POP4: variants seen among roughly 807,000 people sequenced by gnomAD.
POP4 encodes POP4 ribonuclease P/MRP subunit, also known as ribonuclease P protein subunit p29.
In POP4, 31 loss-of-function variants were observed where a neutral mutation model predicts 29.9. The ratio of observed to expected loss-of-function variants is 1.04; its 90% confidence interval spans 0.78 to 1.40. The LOEUF (loss-of-function observed/expected upper bound fraction) is 1.40. Ranked by LOEUF, POP4 falls within the 40% of genes most tolerant of loss-of-function variation. POP4 has a pLI of 0.00. For synonymous variants in POP4, 110 were observed against 108.2 expected, an observed-to-expected ratio of 1.02 and a Z score of -0.10; for missense variants, 286 against 282.7, an observed-to-expected ratio of 1.01 and a Z score of -0.08.
At chr19:29,608,609 C>A in intron 1 of POP4, 48 bp from the exon 2 acceptor site, 1 of 1,571,156 alleles carries the variant, frequency 6.4e-7, no homozygotes, top group Non-Finnish European at 8.8e-7. Context: ...TTGGGTCTTA[C>A]AGCCATACCC....
intron 1 of POP4, among the ~76,000 whole-genome samples, chr19:29,608,262 C>CTTTTCTTTTTTT (rs1491529433): frequency 5.8e-5 from 5 of 86,560 alleles, no homozygotes; most frequent in African/African-American, 2.6e-4. Context: ...CTTTTCTTTT[C>CTTTTCTTTTTTT]TTTTTTTTTT....
At chr19:29,606,366 A>C in intron 1 of POP4, 41 bp downstream of exon 1, 1 of 1,590,540 alleles carries the variant, frequency 6.3e-7, no homozygotes, top group Non-Finnish European at 8.5e-7. Flanking sequence ...GGGGACGTTA[A>C]GGGTCGGGGT....
intron 4 of POP4, 57 bp downstream of exon 4, chr19:29,611,996 T>C: frequency 1.3e-6 from 2 of 1,593,048 alleles, no homozygotes; most frequent in East Asian, 2.2e-5. Flanking sequence ...CTCTGATCAT[T>C]GTAAATGCGG....
At chr19:29,615,137 T>G in intron 6 of POP4, 107 bp from the exon 7 acceptor site, 1 of 1,311,588 alleles carries the variant, frequency 7.6e-7, no homozygotes, top group Non-Finnish European at 1.0e-6. Context: ...TATTAGCTTA[T>G]TTTTTTCATT....
Position 29,611,705 on chromosome 19 carries a change from C to T in POP4, c.285-157C>T, listed in dbSNP as rs76775254. ...TTAGAGAGGTGTAGGTTCTTGGTCTCGGTTATCAGCTCAATTGCTCATCGT... is the reference window on the plus strand; with the variant it reads ...TTAGAGAGGTGTAGGTTCTTGGTCTTGGTTATCAGCTCAATTGCTCATCGT... On this transcript the variant is annotated intron_variant, in intron 3 of 6. Coordinates refer to ENST00000585603, the MANE Select transcript of POP4 (RefSeq NM_006627.3). 0.014 allele frequency: 8,689 copies of T among 640,510 alleles called. 590 individuals are homozygous for T. The East Asian group carries it at 0.15, about 11-fold the overall frequency. 39.7% of individuals were successfully genotyped at this position (640,510 alleles called of 1,614,324 possible). A position where few individuals can be genotyped will look rare whatever the true frequency, so the allele number is the denominator to read the frequency against.
chr19:29,607,914 G>A (rs1461523444), intron 1 of POP4, among the ~76,000 whole-genome samples: 1 of 152,182 alleles, frequency 6.6e-6, no homozygotes, highest in East Asian at 1.9e-4. Context: ...TTGTTAGCAA[G>A]TGCTCAAGCT....
chr19:29,610,769 G>A, intron 3 of POP4, 137 bp downstream of exon 3: 1 of 863,656 alleles, frequency 1.2e-6, no homozygotes, highest in Non-Finnish European at 1.8e-6. Context: ...CAAGAGGGCA[G>A]CCTTCCTTTA....
At chr19:29,608,257 C>CTTTTT (rs1971024165) in intron 1 of POP4, among the ~76,000 whole-genome samples, 1 of 115,540 alleles carries the variant, frequency 8.7e-6, no homozygotes, top group African/African-American at 3.5e-5. Flanking sequence ...CTTTTCTTTT[C>CTTTTT]TTTTCTTTTT....
chr19:29,611,734 A>T, intron 3 of POP4, 128 bp from the exon 4 acceptor site: 1 of 757,194 alleles, frequency 1.3e-6, no homozygotes. Flanking sequence ...TCATCGTCGG[A>T]TTTGCACATA....
chr19:29,606,439 C>G, intron 1 of POP4, 114 bp downstream of exon 1: 1 of 1,265,492 alleles, frequency 7.9e-7, no homozygotes, highest in Non-Finnish European at 1.1e-6. Flanking sequence ...AACAGAACCG[C>G]TACAGGAATG....
In POP4 at chr19:29,610,594, G is replaced by A; in HGVS notation, c.246G>A (p.Arg82=). The A allele has an allele frequency of 6.2e-7, 1 of 1,614,158 alleles. No homozygotes were observed. The highest frequency in any genetic ancestry group is 8.5e-7 in the Non-Finnish European group (1 of 1,180,044). Residue 82 remains arginine (R), a synonymous_variant, in exon 3 of 7, where the codon AGG becomes AGA. Transcript: ENST00000585603. ...KAKGLSARQR[R]ELRLFDIKPE... ...AAGGCCTCTCTGCCAGGCAAAGGAG[G>A]GAGCTGCGGCTCTTTGACATTAAAC...
chr19:29,615,435 A>G lies in POP4; in HGVS notation c.*55A>G. The G allele has an allele frequency of 3.2e-6, 5 of 1,566,094 alleles. No homozygotes were observed. The highest frequency in any genetic ancestry group is 4.4e-6 in the Non-Finnish European group (5 of 1,145,748). ...GACAGCTGAAAACTGGACACTCCCT[A>G]AATGTCCACCTTTCAGTGAAGAGAT... is the stretch of plus-strand genomic sequence containing the variant. On this transcript the variant is annotated 3_prime_UTR_variant, in exon 7 of 7. Coordinates refer to ENST00000585603, the MANE Select transcript of POP4 (RefSeq NM_006627.3).
In POP4 at chr19:29,606,331, C is replaced by G. The variant is rs552568458; in HGVS notation, c.7+6C>G. 1.7e-5 allele frequency: 28 copies of G among 1,604,828 alleles called. No individual in the cohort carries two copies. In the African/African-American group the frequency reaches 3.1e-4, roughly 18 times the overall value. ...AAGCGGTCCGAGAATGAAGAGTAAG[C>G]GGGGCCGCGAAGTTGGAGAGGGTTG... On this transcript the variant is annotated splice_donor_region_variant and intron_variant, in intron 1 of 6. Transcript: ENST00000585603.
At chr19:29,611,177 A>G (rs1008688106) in intron 3 of POP4, 3 of 155,746 alleles carry the variant, frequency 1.9e-5, no homozygotes, top group Admixed American at 1.9e-4. Flanking sequence ...TCAACGGCCA[A>G]ATAGCCTCCC....
rs1404034451 is a variant in POP4 at position 29,615,361 on chromosome 19, A to G, written c.644A>G (p.Lys215Arg). ...SERSAKKFKA[K>R]GTIDL ...CGGTCTGCGAAGAAGTTCAAAGCGA[A>G]GGGAACGATTGACCTGTGAATTCTT... The change falls in exon 7 of 7, where the codon AAG becomes AGG. Residue 215 changes from lysine (K) to arginine (R), a missense_variant. By Grantham distance (26) the Lys-to-Arg change is conservative. Coordinates refer to ENST00000585603, the MANE Select transcript of POP4 (RefSeq NM_006627.3). The G allele has an allele frequency of 1.2e-6, 2 of 1,613,710 alleles. No individual in the cohort carries two copies. The highest frequency in any genetic ancestry group is 2.2e-5 in the East Asian group (1 of 44,886).
In POP4 at chr19:29,615,644, A is replaced by G. The variant is rs1971122091; in HGVS notation, c.*264A>G. 2.5e-6 allele frequency: 1 copy of G among 402,724 alleles called. No individual in the cohort carries two copies. The highest frequency in any genetic ancestry group is 4.5e-6 in the Non-Finnish European group (1 of 224,192). 24.9% of individuals were successfully genotyped at this position (402,724 alleles called of 1,614,324 possible). A position where few individuals can be genotyped will look rare whatever the true frequency, so the allele number is the denominator to read the frequency against. On this transcript the variant is annotated 3_prime_UTR_variant, in exon 7 of 7. Coordinates refer to ENST00000585603, the MANE Select transcript of POP4 (RefSeq NM_006627.3). ...GGAGGAACAGACTGGCAGGAAGCAC[A>G]CCGGGGTTAACACTGGTTGACTTGA...
Position 29,606,338 on chromosome 19 carries a change from G to A in POP4, c.7+13G>A, listed in dbSNP as rs776877566. The A allele has an allele frequency of 4.4e-6, 7 of 1,605,230 alleles. No individual in the cohort carries two copies. The highest frequency in any genetic ancestry group is 6.0e-6 in the Non-Finnish European group (7 of 1,176,316). ...CCGAGAATGAAGAGTAAGCGGGGCCGCGAAGTTGGAGAGGGTTGGGGACGT... is the reference window on the plus strand; with the variant it reads ...CCGAGAATGAAGAGTAAGCGGGGCCACGAAGTTGGAGAGGGTTGGGGACGT... On this transcript the variant is annotated intron_variant, in intron 1 of 6. Coordinates refer to ENST00000585603, the MANE Select transcript of POP4 (RefSeq NM_006627.3).
In POP4 at chr19:29,607,688, T is replaced by G. The variant is rs1318644981; in HGVS notation, c.8-969T>G. 6.6e-5 allele frequency among the ~76,000 whole-genome samples: 10 copies of G among 152,238 alleles called. No individual in the cohort carries two copies. The East Asian group carries it at 1.9e-3, about 29-fold the overall frequency. On this transcript the variant is annotated intron_variant, in intron 1 of 6. Transcript: ENST00000585603. Reference sequence around the variant, plus strand: ...AAATTAAGAAACAGAAGTGTGGAATTTATTTTAGAGGTTGAAACTTTATTG... The same window carrying G: ...AAATTAAGAAACAGAAGTGTGGAATGTATTTTAGAGGTTGAAACTTTATTG...
intron 3 of POP4, chr19:29,611,486 C>T (rs1971068535): frequency 4.5e-6 from 1 of 221,848 alleles, no homozygotes; most frequent in Admixed American, 5.4e-5. Flanking sequence ...CAGCCTGCTG[C>T]CTCACATGAG....
Sources: gnomAD v4.1 joint callset for allele counts (sites outside exome capture counted in the v4.1 genomes callset) on GRCh38, gnomAD v4.1.1 for gene constraint, MANE v1.5 for transcripts, NCBI Gene and HGNC (gene_info 2026-07-23, HGNC 2026-07-21) for gene names.